Variants in CAB39 observed in about 807,000 individuals in gnomAD.
The protein encoded by CAB39 is calcium-binding protein 39.
A neutral mutation model predicts 40.0 loss-of-function variants in CAB39; 8 were observed. That is an observed-to-expected ratio of 0.20 (90% CI 0.12 to 0.36). The LOEUF (loss-of-function observed/expected upper bound fraction) is 0.36. Among genes scored for constraint, CAB39 ranks in the 10% least tolerant of loss-of-function variants. The pLI, the probability that CAB39 is intolerant of heterozygous loss-of-function variation, is 1.00. For missense variants in CAB39, 270 were observed against 401.1 expected, an observed-to-expected ratio of 0.67 and a Z score of 2.79; for synonymous variants, 156 against 141.6, an observed-to-expected ratio of 1.10 and a Z score of -0.72.
intron 2 of CAB39, among the ~76,000 whole-genome samples, chr2:230,762,454 A>G (rs543344805): frequency 1.3e-4 from 20 of 152,290 alleles, no homozygotes; most frequent in African/African-American, 4.6e-4. Flanking sequence ...TGATAGCCCT[A>G]CAGGCTTTGC....
intron 1 of CAB39, among the ~76,000 whole-genome samples, chr2:230,729,983 G>T (rs747199549): frequency 1.9e-4 from 29 of 152,132 alleles, no homozygotes; most frequent in Non-Finnish European, 4.0e-4. Context: ...AATCAGTGTA[G>T]TATTGGCCAG....
At chr2:230,718,708 C>T (rs1251901188) in intron 1 of CAB39, among the ~76,000 whole-genome samples, 1 of 152,080 alleles carries the variant, frequency 6.6e-6, no homozygotes, top group African/African-American at 2.4e-5. Context: ...ATAGGCTTTT[C>T]CAGGGGGGAG....
Position 230,818,757 on chromosome 2 carries a change from T to G in CAB39, c.*53T>G. On this transcript the variant is annotated 3_prime_UTR_variant, in exon 9 of 9. Coordinates refer to ENST00000258418, the MANE Select transcript of CAB39 (RefSeq NM_016289.4). ...AAATTCAGCATTTGCTGTTAGCTAT[T>G]CAGCATCAGGCACTCTTATTGATTC... The G allele has an allele frequency of 7.2e-7, 1 of 1,386,920 alleles. No individual in the cohort carries two copies. The highest frequency in any genetic ancestry group is 1.0e-6 in the Non-Finnish European group (1 of 984,744). 85.9% of individuals were successfully genotyped at this position (1,386,920 alleles called of 1,614,324 possible).
intron 2 of CAB39, among the ~76,000 whole-genome samples, chr2:230,769,535 T>G (rs1157523020): frequency 6.6e-6 from 1 of 152,168 alleles, no homozygotes; most frequent in East Asian, 1.9e-4. Context: ...CTCAGTACAT[T>G]TTAAAGGATA....
At chr2:230,816,125 TAGCC>T (rs1696396379) in intron 7 of CAB39, among the ~76,000 whole-genome samples, 1 of 152,114 alleles carries the variant, frequency 6.6e-6, no homozygotes, top group African/African-American at 2.4e-5. Flanking sequence ...AAAAATTAAT[TAGCC>T]AGGTGTGGTG....
chr2:230,713,291 C>G (rs1443681391), intron 1 of CAB39, 61 bp downstream of exon 1: 1 of 152,252 alleles, frequency 6.6e-6, no homozygotes, highest in Non-Finnish European at 1.5e-5. Context: ...TCCGCCTGCC[C>G]CGCTGGGCCC....
intron 1 of CAB39, among the ~76,000 whole-genome samples, chr2:230,732,549 A>G (rs780425131): frequency 3.3e-5 from 5 of 152,224 alleles, no homozygotes; most frequent in Admixed American, 1.3e-4. Flanking sequence ...TGAGGAGTAC[A>G]TGAAGATGGC....
At position 230,759,972 on chromosome 2, in the gene CAB39, A is replaced by T. The variant is rs1338149898; in HGVS notation, c.-30A>T. The T allele has an allele frequency of 8.3e-7, 1 of 1,202,568 alleles. No individual in the cohort carries two copies. 74.5% of individuals were successfully genotyped at this position (1,202,568 alleles called of 1,614,324 possible). On this transcript the variant is annotated 5_prime_UTR_variant, in exon 2 of 9. Transcript: ENST00000258418. ...GCTGTGTTCTAGGTAGCACAGGCGG[A>T]GTGCAGCGGAGGCCCCTGCCGCTGC...
At chr2:230,775,462 C>T (rs982370785) in intron 2 of CAB39, among the ~76,000 whole-genome samples, 2 of 151,970 alleles carry the variant, frequency 1.3e-5, no homozygotes, top group Non-Finnish European at 2.9e-5. Context: ...TCTTGATCTC[C>T]TGACCTGGTG....
chr2:230,776,706 C>A (rs945944597), intron 2 of CAB39, among the ~76,000 whole-genome samples: 1 of 151,800 alleles, frequency 6.6e-6, no homozygotes, highest in Non-Finnish European at 1.5e-5. Context: ...TTCTTCCCCC[C>A]CCGAGATGGA....
At chr2:230,741,789 C>T (rs910334665) in intron 1 of CAB39, among the ~76,000 whole-genome samples, 7 of 152,168 alleles carry the variant, frequency 4.6e-5, no homozygotes, top group African/African-American at 9.7e-5. Flanking sequence ...ACTTATTCAA[C>T]GTGTATTTAG....
chr2:230,727,942 T>C (rs1694616023), intron 1 of CAB39, among the ~76,000 whole-genome samples: 1 of 152,166 alleles, frequency 6.6e-6, no homozygotes. Flanking sequence ...AAATTCATGT[T>C]ACAAAACTAG....
intron 5 of CAB39, among the ~76,000 whole-genome samples, chr2:230,808,743 C>G (rs922158573): frequency 1.3e-5 from 2 of 152,128 alleles, no homozygotes; most frequent in Non-Finnish European, 2.9e-5. Context: ...TAACACATAC[C>G]CTATCCAGCA....
At chr2:230,804,463 A>G (rs1031007448) in intron 5 of CAB39, among the ~76,000 whole-genome samples, 18 of 152,368 alleles carry the variant, frequency 1.2e-4, no homozygotes, top group Admixed American at 6.5e-4. Context: ...CAGGCACCCT[A>G]CAGAATGGGA....
intron 1 of CAB39, among the ~76,000 whole-genome samples, chr2:230,738,977 C>T (rs1371727659): frequency 6.6e-6 from 1 of 152,158 alleles, no homozygotes; most frequent in Non-Finnish European, 1.5e-5. Context: ...TCCAATCTAC[C>T]TTAATTCTTT....
Position 230,818,526 on chromosome 2 carries a change from C to G in CAB39, c.848C>G (p.Ala283Gly). 1 of 1,613,580 alleles carries G rather than the reference C, an allele frequency of 6.2e-7. No homozygotes were observed. Among genetic ancestry groups the G allele is most frequent in the Non-Finnish European group, 8.5e-7 (1 of 1,179,754 alleles). The change falls in exon 9 of 9, where the codon GCC (alanine) becomes GGC (glycine). Residue 283 changes from alanine (A) to glycine (G), a missense_variant. Ala to Gly is a moderately conservative substitution (Grantham distance 60). Transcript: ENST00000258418. Reference protein sequence around the residue: ...EAFHVFKVFVANPNKTQPILD... With the variant: ...EAFHVFKVFVGNPNKTQPILD... Reference sequence around the variant, plus strand: ...TTTCTCTCCACGCAGGTGTTTGTAGCCAATCCTAACAAGACGCAGCCCATC... The same window carrying G: ...TTTCTCTCCACGCAGGTGTTTGTAGGCAATCCTAACAAGACGCAGCCCATC...
At position 230,801,697 on chromosome 2, in the gene CAB39, C is replaced by T. The variant is rs112035324; in HGVS notation, c.567+2800C>T. On this transcript the variant is annotated intron_variant, in intron 5 of 8. Coordinates refer to ENST00000258418, the MANE Select transcript of CAB39 (RefSeq NM_016289.4). ...GACCAGCCTGGCCAACATGATGAAA[C>T]CCCGTCTCTACTGAAAATACAAAAA... Among the ~76,000 whole-genome samples, 732 of 152,112 alleles carry T rather than the reference C, an allele frequency of 4.8e-3. 5 individuals carry two copies. The highest frequency in any genetic ancestry group is 0.017 in the African/African-American group (687 of 41,468).
intron 1 of CAB39, among the ~76,000 whole-genome samples, chr2:230,744,169 T>C (rs1694932713): frequency 2.0e-5 from 3 of 152,324 alleles, no homozygotes; most frequent in Middle Eastern, 3.4e-3. Flanking sequence ...TCCACCTGCC[T>C]TGGCCTCCCA....
intron 5 of CAB39, among the ~76,000 whole-genome samples, chr2:230,808,122 T>C: frequency 6.6e-6 from 1 of 151,948 alleles, no homozygotes; most frequent in East Asian, 1.9e-4. Flanking sequence ...GTTTCACTAT[T>C]GTTGCCCAGG....
Sources: allele counts gnomAD v4.1 joint callset (sites outside exome capture counted in the v4.1 genomes callset), GRCh38; gene constraint gnomAD v4.1.1; transcripts MANE v1.5; gene names NCBI Gene and HGNC (gene_info 2026-07-23, HGNC 2026-07-21).